The following PAPOLG variants were observed in gnomAD, a reference collection of about 807,000 sequenced individuals.
PAPOLG encodes PAP-gamma.
Under a neutral mutation model 99.0 loss-of-function variants are expected in PAPOLG, and 40 were observed. That is an observed-to-expected ratio of 0.40 (90% CI 0.31 to 0.53). PAPOLG has a LOEUF of 0.53. PAPOLG is among the 20% of genes least tolerant of loss of function. The pLI is 0.41. For missense variants in PAPOLG, 675 were observed against 884.1 expected (o/e 0.76, Z 3.00); for synonymous variants, 310 against 299.3 (o/e 1.04, Z -0.37).
chr2:60,785,554 A>T (rs946655036), intron 13 of PAPOLG, among the ~76,000 whole-genome samples: 1 of 151,348 alleles, frequency 6.6e-6, no homozygotes, highest in Non-Finnish European at 1.5e-5. Context: ...TTAGAGACGG[A>T]GTCTCACTGT....
At chr2:60,784,556 A>G (rs1671299721) in intron 13 of PAPOLG, among the ~76,000 whole-genome samples, 1 of 152,184 alleles carries the variant, frequency 6.6e-6, no homozygotes. Context: ...GGAAAAGCAA[A>G]ACAGCAATAC....
At chr2:60,783,044 C>CTTTATTA in intron 12 of PAPOLG, 112 bp from the exon 13 acceptor site, 1 of 991,192 alleles carries the variant, frequency 1.0e-6, no homozygotes. Context: ...AACTGTGTGC[C>CTTTATTA]TTTATTAGCT....
At chr2:60,772,041 T>C (rs530468620) in intron 7 of PAPOLG, among the ~76,000 whole-genome samples, 2 of 152,328 alleles carry the variant, frequency 1.3e-5, no homozygotes, top group South Asian at 4.1e-4. Flanking sequence ...GGCTTCTTTT[T>C]TTTTTTTAAC....
chr2:60,785,146 GT>G (rs965212661), intron 13 of PAPOLG, among the ~76,000 whole-genome samples: 9 of 147,556 alleles, frequency 6.1e-5, no homozygotes, highest in East Asian at 2.0e-4. Context: ...TTTGTTTTTT[GT>G]TTTTTTTTTG....
At position 60,768,559 on chromosome 2, in the gene PAPOLG, C is replaced by G; in HGVS notation, c.328+8C>G. On this transcript the variant is annotated splice_region_variant and intron_variant, in intron 4 of 21. Coordinates refer to ENST00000238714, the MANE Select transcript of PAPOLG (RefSeq NM_022894.4). ...TTGGAGTACACACCAAAGGTAACTG[C>G]TTTTCTGTGTTCTAGTGCTAAGAAC... 1 of 1,579,742 alleles carries G rather than the reference C, an allele frequency of 6.3e-7. No homozygotes were observed. The highest frequency in any genetic ancestry group is 2.2e-5 in the East Asian group (1 of 44,658).
intron 19 of PAPOLG, 109 bp downstream of exon 19, chr2:60,794,300 G>T (rs1403241622): frequency 1.8e-6 from 2 of 1,118,542 alleles, no homozygotes; most frequent in African/African-American, 1.6e-5. Context: ...TGGCTGAAAA[G>T]AATATTTACC....
At chr2:60,776,105 T>G (rs1671008903) in intron 8 of PAPOLG, among the ~76,000 whole-genome samples, 1 of 152,190 alleles carries the variant, frequency 6.6e-6, no homozygotes, top group Non-Finnish European at 1.5e-5. Flanking sequence ...AGATAACTCC[T>G]TGATCCATGG....
intron 13 of PAPOLG, among the ~76,000 whole-genome samples, chr2:60,785,351 A>G (rs2103809554): frequency 6.6e-6 from 1 of 152,086 alleles, no homozygotes; most frequent in Non-Finnish European, 1.5e-5. Context: ...GTTAGCCAGG[A>G]TGGTCTCAAT....
chr2:60,797,083 C>G lies in PAPOLG; in HGVS notation c.2134C>G (p.Pro712Ala). ...RKKRLPSKEL[P>A]DSSSPVPANN... ...ATAGAGACTACCCAGTAAAGAACTA[C>G]CAGATTCATCATCTCCAGTTCCAGC... The change falls in exon 22 of 22, where the codon CCA becomes GCA. Residue 712 changes from proline (P) to alanine (A), a missense_variant. Physicochemically the swap from Pro to Ala is conservative, Grantham distance 27 (BLOSUM62 -1). This residue lies in a region of PAPOLG where 413 missense variants were observed against 460.5 expected (regional missense o/e 0.90). Coordinates refer to ENST00000238714, the MANE Select transcript of PAPOLG (RefSeq NM_022894.4). The G allele has an allele frequency of 1.9e-6, 3 of 1,612,412 alleles. No individual in the cohort carries two copies. Among genetic ancestry groups the G allele is most frequent in the Non-Finnish European group, 8.5e-7 (1 of 1,178,418 alleles).
rs1671733558 is a variant in PAPOLG at position 60,797,118 on chromosome 2, C to T, written c.2169C>T (p.Ile723=). 4.3e-6 allele frequency: 7 copies of T among 1,613,998 alleles called. No homozygotes were observed. In the South Asian group the frequency reaches 7.7e-5, roughly 18 times the overall value. Residue 723 remains isoleucine (I), a synonymous_variant, in exon 22 of 22, where the codon ATC becomes ATT. Coordinates refer to ENST00000238714, the MANE Select transcript of PAPOLG (RefSeq NM_022894.4). ...CATCTCCAGTTCCAGCAAACAACATCCGTGTCATCAAAAATTCCATTCGAC... is the reference window on the plus strand; with the variant it reads ...CATCTCCAGTTCCAGCAAACAACATTCGTGTCATCAAAAATTCCATTCGAC... ...DSSSPVPANN[I]RVIKNSIRLT... is the part of the protein sequence containing the mutation.
chr2:60,782,449 C>T (rs1671217414), intron 11 of PAPOLG, among the ~76,000 whole-genome samples: 4 of 151,728 alleles, frequency 2.6e-5, no homozygotes, highest in Non-Finnish European at 5.9e-5. Context: ...CCCAGCTACT[C>T]AGGAGCCTGG....
rs1671806818 is a variant in PAPOLG, at chr2:60,799,790, A to T, written c.*2630A>T. ...CAGGCACCCACCACCTCGCCCAGCT[A>T]ATTTTTGTATTTTTAGTACAGACAG... On this transcript the variant is annotated 3_prime_UTR_variant, in exon 22 of 22. Coordinates refer to ENST00000238714, the MANE Select transcript of PAPOLG (RefSeq NM_022894.4). 1 of 151,680 alleles carries T rather than the reference A, an allele frequency of 6.6e-6. No individual in the cohort carries two copies. The highest frequency in any genetic ancestry group is 1.5e-5 in the Non-Finnish European group (1 of 67,924). 9.4% of individuals were successfully genotyped at this position (151,680 alleles called of 1,614,324 possible).
chr2:60,794,311 C>A, intron 19 of PAPOLG, 120 bp downstream of exon 19: 2 of 1,038,692 alleles, frequency 1.9e-6, no homozygotes, highest in Non-Finnish European at 2.7e-6. Flanking sequence ...AATATTTACC[C>A]AAATCTTAAA....
chr2:60,776,812 C>T (rs187260083), intron 8 of PAPOLG, among the ~76,000 whole-genome samples: 16 of 152,324 alleles, frequency 1.1e-4, no homozygotes, highest in African/African-American at 3.8e-4. Context: ...AGCTTCTCCT[C>T]TCTAGCTGTG....
intron 5 of PAPOLG, among the ~76,000 whole-genome samples, chr2:60,769,703 T>G (rs895411888): frequency 1.3e-5 from 2 of 152,218 alleles, no homozygotes; most frequent in African/African-American, 4.8e-5. Context: ...GTTTTCAGTT[T>G]AGACTCGAAA....
intron 15 of PAPOLG, 124 bp downstream of exon 15, chr2:60,787,744 C>T: frequency 7.9e-7 from 1 of 1,271,606 alleles, no homozygotes; most frequent in Non-Finnish European, 1.1e-6. Flanking sequence ...CATGGCATAT[C>T]CGTATTGCTG....
chr2:60,771,120 T>C, intron 6 of PAPOLG, among the ~76,000 whole-genome samples: 1 of 152,308 alleles, frequency 6.6e-6, no homozygotes, highest in African/African-American at 2.4e-5. Flanking sequence ...TTCTGTTCTT[T>C]GTCCTAGTGA....
intron 15 of PAPOLG, 50 bp from the exon 16 acceptor site, chr2:60,791,711 C>T (rs763140310): frequency 3.2e-6 from 5 of 1,556,448 alleles, no homozygotes; most frequent in African/African-American, 2.8e-5. Context: ...TTAGGCAGAA[C>T]CCTTGGTTCA....
chr2:60,772,490 T>C (rs1488888037), intron 7 of PAPOLG, among the ~76,000 whole-genome samples: 3 of 149,086 alleles, frequency 2.0e-5, no homozygotes, highest in Non-Finnish European at 4.4e-5. Flanking sequence ...GGCTTATGCC[T>C]CTAATCCCAG....
Sources: gnomAD v4.1 joint callset for allele counts (sites outside exome capture counted in the v4.1 genomes callset) on GRCh38, gnomAD v4.1.1 for gene constraint, gnomAD v4.1.1 regional missense constraint, MANE v1.5 for transcripts, NCBI Gene and HGNC (gene_info 2026-07-23, HGNC 2026-07-21) for gene names.